Variants in CLPB observed in about 807,000 individuals in gnomAD.
The protein encoded by CLPB is mitochondrial disaggregase.
In CLPB, 40 loss-of-function variants were observed where a neutral mutation model predicts 78.4. The observed-to-expected ratio is 0.51, with a 90% CI of 0.40 to 0.66. CLPB has a LOEUF of 0.66. Among genes scored for constraint, CLPB ranks in the 30% least tolerant of loss-of-function variants. The pLI is 0.00. For missense variants in CLPB, 780 were observed against 886.9 expected, an observed-to-expected ratio of 0.88 and a Z score of 1.53; for synonymous variants, 333 against 348.0, an observed-to-expected ratio of 0.96 and a Z score of 0.48.
intron 6 of CLPB, among the ~76,000 whole-genome samples, chr11:72,325,074 G>A (rs939756712): frequency 1.3e-5 from 2 of 151,328 alleles, no homozygotes; most frequent in Admixed American, 6.6e-5. Context: ...GATTGGGAGT[G>A]GAGATGCAGG....
chr11:72,385,397 C>T (rs1041384676), intron 3 of CLPB, among the ~76,000 whole-genome samples: 2 of 152,082 alleles, frequency 1.3e-5, no homozygotes, highest in African/African-American at 4.8e-5. Context: ...AAGAAGAAAA[C>T]GTCTTAGAAC....
chr11:72,355,236 G>C (rs1222939992), intron 5 of CLPB: 1 of 152,272 alleles, frequency 6.6e-6, no homozygotes, highest in East Asian at 1.9e-4. Flanking sequence ...TATCGGAGTA[G>C]ACCAGACGAC....
intron 2 of CLPB, among the ~76,000 whole-genome samples, chr11:72,420,367 G>A (rs11235494): frequency 2.0e-5 from 3 of 152,162 alleles, no homozygotes; most frequent in South Asian, 2.1e-4. Context: ...AGTAGCTGTC[G>A]CCTGTAATCC....
chr11:72,379,291 A>C (rs1434708015), intron 4 of CLPB, among the ~76,000 whole-genome samples: 1 of 152,184 alleles, frequency 6.6e-6, no homozygotes, highest in Non-Finnish European at 1.5e-5. Flanking sequence ...CTAACACTAA[A>C]GCAGCCACTG....
chr11:72,363,024 C>T (rs191006037), intron 4 of CLPB, among the ~76,000 whole-genome samples: 37 of 152,108 alleles, frequency 2.4e-4, no homozygotes, highest in African/African-American at 8.0e-4. Context: ...GGCGTGGTGG[C>T]GCATGCCTGT....
At chr11:72,327,883 C>T (rs915402493) in intron 6 of CLPB, among the ~76,000 whole-genome samples, 4 of 152,108 alleles carry the variant, frequency 2.6e-5, no homozygotes, top group Non-Finnish European at 4.4e-5. Flanking sequence ...GTCACAAGGG[C>T]CCCCGGGGAT....
rs201839411 is a variant in CLPB, at chr11:72,434,273, C to T, written c.202G>A (p.Ala68Thr). 10 of 1,612,998 alleles carry T rather than the reference C, an allele frequency of 6.2e-6. No individual in the cohort carries two copies. The highest frequency in any genetic ancestry group is 6.8e-6 in the Non-Finnish European group (8 of 1,179,876). Residue 68 changes from alanine to threonine, a missense_variant, in exon 1 of 16, where the codon GCA (alanine) becomes ACA (threonine). Ala to Thr is a moderately conservative substitution (Grantham distance 58). Around this residue, in one of 3 missense-constraint regions of CLPB, gnomAD observed 417 missense variants for 414.7 expected, o/e 1.01. Coordinates refer to ENST00000538039, the MANE Select transcript of CLPB (RefSeq NM_001258392.3). ...CCTCCCTGGCGCCCCCCGGTGGCTG[C>T]CCCACGTCCGGAGAACAAGGCCGGC... ...TSPALFSGRG[A>T]ATGGRQGGRF...
intron 2 of CLPB, chr11:72,428,731 C>T (rs1036904289): frequency 2.0e-5 from 3 of 152,240 alleles, no homozygotes; most frequent in Non-Finnish European, 4.4e-5. Context: ...TGGGGACACA[C>T]ATGAAAAGCC....
intron 11 of CLPB, among the ~76,000 whole-genome samples, chr11:72,299,047 C>T (rs1039527095): frequency 6.6e-6 from 1 of 152,220 alleles, no homozygotes; most frequent in African/African-American, 2.4e-5. Context: ...TCTGGATGTC[C>T]CTCAGGTATC....
intron 5 of CLPB, among the ~76,000 whole-genome samples, chr11:72,352,114 T>C (rs1450563628): frequency 6.6e-6 from 1 of 152,210 alleles, no homozygotes; most frequent in Non-Finnish European, 1.5e-5. Flanking sequence ...TTTTGGAATT[T>C]AAATGCAGGC....
intron 2 of CLPB, among the ~76,000 whole-genome samples, chr11:72,423,759 T>C (rs1161129611): frequency 6.6e-6 from 1 of 152,228 alleles, no homozygotes; most frequent in Admixed American, 6.5e-5. Context: ...AAACTGTTAA[T>C]ATGGCCTACA....
chr11:72,408,358 T>C (rs1315933858), intron 2 of CLPB, among the ~76,000 whole-genome samples: 1 of 152,066 alleles, frequency 6.6e-6, no homozygotes, highest in Non-Finnish European at 1.5e-5. Context: ...TAAGGAGTGG[T>C]GGCACCTGGT....
intron 3 of CLPB, 67 bp from the exon 4 acceptor site, chr11:72,380,451 C>A: frequency 7.8e-7 from 1 of 1,275,254 alleles, no homozygotes; most frequent in East Asian, 2.4e-5. Context: ...GACCCAGATC[C>A]GGAAGCATGT....
At chr11:72,384,840 C>T (rs896329977) in intron 3 of CLPB, among the ~76,000 whole-genome samples, 1 of 152,048 alleles carries the variant, frequency 6.6e-6, no homozygotes, top group Admixed American at 6.6e-5. Flanking sequence ...TTAATCAAGA[C>T]ACTATAACAA....
intron 4 of CLPB, among the ~76,000 whole-genome samples, chr11:72,366,606 A>G (rs762254372): frequency 2.0e-5 from 3 of 152,242 alleles, no homozygotes; most frequent in Non-Finnish European, 4.4e-5. Context: ...AGACAAGGAC[A>G]TTTCTCAAAA....
chr11:72,301,784 C>T lies in CLPB; in HGVS notation c.1329+19G>A. ...TCTCCAGGTGTCCCCCCGCTCCATCCTGGCCCAAGGTGACTCACCTCATCA... is the reference window on the plus strand; with the variant it reads ...TCTCCAGGTGTCCCCCCGCTCCATCTTGGCCCAAGGTGACTCACCTCATCA... On this transcript the variant is annotated intron_variant, in intron 11 of 15. Transcript: ENST00000538039. The T allele has an allele frequency of 6.2e-7, 1 of 1,611,416 alleles. No homozygotes were observed. Among genetic ancestry groups the T allele is most frequent in the Non-Finnish European group, 8.5e-7 (1 of 1,178,486 alleles).
chr11:72,362,672 A>G (rs1368007360), intron 4 of CLPB, among the ~76,000 whole-genome samples: 1 of 152,178 alleles, frequency 6.6e-6, no homozygotes, highest in Non-Finnish European at 1.5e-5. Context: ...TAACGCCTTC[A>G]TGGGATGTTG....
intron 5 of CLPB, among the ~76,000 whole-genome samples, chr11:72,344,196 TC>T (rs2135576242): frequency 6.6e-6 from 1 of 152,222 alleles, no homozygotes; most frequent in East Asian, 1.9e-4. Flanking sequence ...TCCTTTTAAT[TC>T]TTTTCTACCT....
intron 5 of CLPB, 132 bp downstream of exon 5, chr11:72,358,748 T>C (rs1950771024): frequency 2.6e-6 from 2 of 764,690 alleles, no homozygotes; most frequent in South Asian, 1.9e-5. Context: ...GGGAAGTATG[T>C]TATTTCCAGA....
Sources: gnomAD v4.1 joint callset for allele counts (sites outside exome capture counted in the v4.1 genomes callset) on GRCh38, gnomAD v4.1.1 for gene constraint, gnomAD v4.1.1 regional missense constraint, MANE v1.5 for transcripts, NCBI Gene and HGNC (gene_info 2026-07-23, HGNC 2026-07-21) for gene names.